The following NOL4 variants were observed in gnomAD, a reference collection of about 807,000 sequenced individuals.
The protein encoded by NOL4 is cancer/testis antigen 125.
In NOL4, 17 loss-of-function variants were observed where a neutral mutation model predicts 75.9. The ratio of observed to expected loss-of-function variants is 0.22; its 90% confidence interval spans 0.15 to 0.34. The LOEUF is 0.34. Among genes scored for constraint, NOL4 ranks in the 10% least tolerant of loss-of-function variants. The pLI is 1.00. For missense variants in NOL4, 614 were observed against 793.5 expected, an observed-to-expected ratio of 0.77 and a Z score of 2.72; for synonymous variants, 292 against 289.9, an observed-to-expected ratio of 1.01 and a Z score of -0.07.
chr18:34,114,016 G>A (rs1282088416), intron 2 of NOL4, among the ~76,000 whole-genome samples: 1 of 152,160 alleles, frequency 6.6e-6, no homozygotes, highest in African/African-American at 2.4e-5. Flanking sequence ...TGTAATAGCA[G>A]TTGCAAATAA....
intron 5 of NOL4, among the ~76,000 whole-genome samples, chr18:34,075,242 T>C (rs2077693963): frequency 6.6e-6 from 1 of 152,178 alleles, no homozygotes; most frequent in African/African-American, 2.4e-5. Flanking sequence ...AATTCACTTA[T>C]GTTTCATATA....
chr18:34,064,477 TATC>T (rs2077186752), intron 5 of NOL4, among the ~76,000 whole-genome samples: 1 of 151,930 alleles, frequency 6.6e-6, no homozygotes, highest in African/African-American at 2.4e-5. Context: ...TCTGAAATAG[TATC>T]AGAGAAATTG....
At position 34,042,554 on chromosome 18, in the gene NOL4, CCAAT is replaced by C. The variant is rs372699804; in HGVS notation, c.773-22957_773-22954del. Among the ~76,000 whole-genome samples, 25 of 151,972 alleles carry C rather than the reference CCAAT, an allele frequency of 1.6e-4. 1 individual carries two copies. The East Asian group carries it at 3.1e-3, about 19-fold the overall frequency. On this transcript the variant is annotated intron_variant, in intron 5 of 10. Coordinates refer to ENST00000261592, the MANE Select transcript of NOL4 (RefSeq NM_003787.5). Reference sequence around the variant, plus strand: ...TAATAGACTAAATGCTTCTGAAACACCAATCAAAGAAGGAAGAAAGGCAAGAAAA... The same window carrying C: ...TAATAGACTAAATGCTTCTGAAACACCAAAGAAGGAAGAAAGGCAAGAAAA...
intron 6 of NOL4, among the ~76,000 whole-genome samples, chr18:33,966,023 T>C (rs1259192355): frequency 2.6e-5 from 4 of 152,130 alleles, no homozygotes; most frequent in Non-Finnish European, 5.9e-5. Flanking sequence ...AATTTAAGTT[T>C]ATAAATGTTG....
intron 5 of NOL4, among the ~76,000 whole-genome samples, chr18:34,083,727 A>G (rs955902262): frequency 5.3e-5 from 8 of 152,278 alleles, no homozygotes; most frequent in African/African-American, 1.9e-4. Context: ...CTGTCTTCTT[A>G]ATGAATTCAC....
chr18:34,138,529 T>C (rs915785494), intron 1 of NOL4, among the ~76,000 whole-genome samples: 2 of 152,142 alleles, frequency 1.3e-5, no homozygotes, highest in African/African-American at 4.8e-5. Context: ...GTTCCAAAAT[T>C]AGAGGATGGT....
At chr18:34,014,185 T>G (rs538849036) in intron 6 of NOL4, among the ~76,000 whole-genome samples, 95 of 152,030 alleles carry the variant, frequency 6.2e-4, no homozygotes, top group African/African-American at 2.2e-3. Flanking sequence ...TTTTATAAAC[T>G]AACTGGTAGT....
In NOL4 at chr18:33,876,868, G is replaced by C. The variant is rs185298717; in HGVS notation, c.1723+6376C>G. ...TATACATTTTTTGGGTGAAGAAAAC[G>C]AAACTGGTATTTAGAGTTGATACGT... is the stretch of plus-strand genomic sequence containing the variant. On this transcript the variant is annotated intron_variant, in intron 10 of 10. Transcript: ENST00000261592. Among the ~76,000 whole-genome samples, 23 of 152,060 alleles carry C rather than the reference G, an allele frequency of 1.5e-4. No homozygotes were observed. In the East Asian group the frequency reaches 3.1e-3, roughly 21 times the overall value.
chr18:34,139,451 T>C (rs1188105174), intron 1 of NOL4, among the ~76,000 whole-genome samples: 2 of 152,208 alleles, frequency 1.3e-5, no homozygotes, highest in African/African-American at 2.4e-5. Flanking sequence ...CTAGATTTTC[T>C]AGTTTATTTG....
chr18:34,133,682 A>C (rs563393925), intron 1 of NOL4, among the ~76,000 whole-genome samples: 1 of 152,052 alleles, frequency 6.6e-6, no homozygotes, highest in Admixed American at 6.5e-5. Flanking sequence ...ATGATACCTT[A>C]TGGTGATGCA....
chr18:34,104,304 A>T, intron 3 of NOL4, 145 bp from the exon 4 acceptor site: 1 of 573,204 alleles, frequency 1.7e-6, no homozygotes, highest in Non-Finnish European at 3.2e-6. Context: ...GACGGTAGAA[A>T]AAACAACTAG....
intron 6 of NOL4, among the ~76,000 whole-genome samples, chr18:33,983,833 G>A (rs1029148951): frequency 1.3e-5 from 2 of 151,724 alleles, no homozygotes; most frequent in Non-Finnish European, 2.9e-5. Context: ...ATGTTAGATT[G>A]AATCATACAG....
chr18:34,092,179 T>C (rs577343151), intron 5 of NOL4, among the ~76,000 whole-genome samples: 1 of 152,028 alleles, frequency 6.6e-6, no homozygotes, highest in South Asian at 2.1e-4. Flanking sequence ...CTTGGTACTA[T>C]ACAATGGCCA....
At chr18:33,966,705 G>C (rs971071255) in intron 6 of NOL4, among the ~76,000 whole-genome samples, 5 of 152,060 alleles carry the variant, frequency 3.3e-5, no homozygotes, top group African/African-American at 1.2e-4. Context: ...TTCAAGCTGA[G>C]AGCCAAATCA....
chr18:33,861,500 T>C (rs1439405211), intron 10 of NOL4, among the ~76,000 whole-genome samples: 2 of 152,312 alleles, frequency 1.3e-5, no homozygotes, highest in East Asian at 3.9e-4. Flanking sequence ...TCATTTTTTA[T>C]TGTGTCTATT....
chr18:33,906,714 ATTG>A (rs1056674845), intron 9 of NOL4, among the ~76,000 whole-genome samples: 2 of 152,162 alleles, frequency 1.3e-5, no homozygotes, highest in African/African-American at 4.8e-5. Flanking sequence ...CTTTTAAAAC[ATTG>A]TTGTGTGAAA....
At chr18:34,029,227 T>C (rs2075509582) in intron 5 of NOL4, among the ~76,000 whole-genome samples, 1 of 152,132 alleles carries the variant, frequency 6.6e-6, no homozygotes, top group African/African-American at 2.4e-5. Context: ...TGAAACTCAG[T>C]GAGGTTTATT....
intron 1 of NOL4, among the ~76,000 whole-genome samples, chr18:34,174,618 G>T (rs1431196703): frequency 6.6e-6 from 1 of 151,888 alleles, no homozygotes; most frequent in African/African-American, 2.4e-5. Flanking sequence ...ATGGTGGTTT[G>T]CTGCACCCAT....
chr18:34,081,179 C>A (rs9946624), intron 5 of NOL4, among the ~76,000 whole-genome samples: 2,426 of 152,232 alleles, frequency 0.016, 69 homozygotes, highest in African/African-American at 0.056. Flanking sequence ...ACCACAATAT[C>A]TTTTAAGTAC....
Sources: gnomAD v4.1 joint callset for allele counts (sites outside exome capture counted in the v4.1 genomes callset) on GRCh38, gnomAD v4.1.1 for gene constraint, MANE v1.5 for transcripts, NCBI Gene and HGNC (gene_info 2026-07-23, HGNC 2026-07-21) for gene names.